Variants in TRRAP observed in about 807,000 individuals in gnomAD.
The protein encoded by TRRAP is transformation/transcription domain associated protein, also known as transformation/transcription domain-associated protein.
A neutral mutation model predicts 438.8 loss-of-function variants in TRRAP; 41 were observed. The ratio of observed to expected loss-of-function variants is 0.09; its 90% confidence interval spans 0.07 to 0.12. TRRAP has a LOEUF of 0.12. Among genes scored for constraint, TRRAP ranks in the 10% least tolerant of loss-of-function variants. TRRAP has a pLI of 1.00. For missense variants in TRRAP, 3,122 were observed against 5,055.1 expected (o/e 0.62, Z 11.60); for synonymous variants, 1,994 against 1,962.9 (o/e 1.02, Z -0.42).
intron 3 of TRRAP, among the ~76,000 whole-genome samples, chr7:98,884,431 C>T (rs944912813): frequency 2.0e-4 from 30 of 151,976 alleles, no homozygotes; most frequent in African/African-American, 6.8e-4. Context: ...GATGGGGTTT[C>T]GCCTTGTTGC....
At chr7:98,938,588 C>T (rs550522709) in intron 30 of TRRAP, among the ~76,000 whole-genome samples, 4 of 152,270 alleles carry the variant, frequency 2.6e-5, no homozygotes, top group Non-Finnish European at 4.4e-5. Context: ...TTGCTTTTCC[C>T]ATTTAACAGC....
chr7:98,910,258 C>T lies in TRRAP; in HGVS notation c.1553C>T (p.Pro518Leu). ...CCGCCCCCACCCCCACCTGCCACCC[C>T]TGTGACCCCGGCCCCCGTGCCTCCC... ...PPPPPPPPAT[P>L]VTPAPVPPFE... The change falls in exon 15 of 73, where the codon CCT becomes CTT. Residue 518 changes from proline (P) to leucine (L), a missense_variant. Transcript: ENST00000456197. The T allele has an allele frequency of 6.3e-7, 1 of 1,577,500 alleles. No individual in the cohort carries two copies. Among genetic ancestry groups the T allele is most frequent in the Non-Finnish European group, 8.6e-7 (1 of 1,168,760 alleles).
chr7:98,949,505 G>T lies in TRRAP; in HGVS notation c.4877G>T (p.Gly1626Val), dbSNP rs1443499874. Residue 1626 changes from glycine (G) to valine (V), a missense_variant, in exon 36 of 73, where the codon GGT (glycine) becomes GTT (valine). By Grantham distance (109) the Gly-to-Val change is moderately radical. Coordinates refer to ENST00000456197, the MANE Select transcript of TRRAP (RefSeq NM_001375524.1). ...TTCATCACCCTGCTGCTGCCGGGGGGTGCCCAGACGGCTGTGCGCCCCGGT... is the reference window on the plus strand; with the variant it reads ...TTCATCACCCTGCTGCTGCCGGGGGTTGCCCAGACGGCTGTGCGCCCCGGT... ...NRFITLLLPG[G>V]AQTAVRPGSP... 6.2e-7 allele frequency: 1 copy of T among 1,610,388 alleles called. No homozygotes were observed. Among genetic ancestry groups the T allele is most frequent in the Non-Finnish European group, 8.5e-7 (1 of 1,178,494 alleles).
chr7:98,964,708 C>T lies in TRRAP; in HGVS notation c.6909C>T (p.Ser2303=), dbSNP rs780438679. 1 of 1,613,948 alleles carries T rather than the reference C, an allele frequency of 6.2e-7. No individual in the cohort carries two copies. Among genetic ancestry groups the T allele is most frequent in the Non-Finnish European group, 8.5e-7 (1 of 1,179,970 alleles). Residue 2303 remains serine, a synonymous_variant, in exon 48 of 73, where the codon TCC becomes TCT. Coordinates refer to ENST00000456197, the MANE Select transcript of TRRAP (RefSeq NM_001375524.1). ...IDRLISVFMR[S]LQKMVREHLN... ...GGCTGATCTCCGTCTTTATGCGCTC[C>T]CTGCAGAAGATGGTCCGGGAGCATT...
chr7:98,966,553 C>T (rs903771909), intron 49 of TRRAP, among the ~76,000 whole-genome samples: 8 of 152,034 alleles, frequency 5.3e-5, no homozygotes, highest in African/African-American at 1.7e-4. Flanking sequence ...GGTATGGTGG[C>T]GCATGCCTGT....
At position 98,907,062 on chromosome 7, in the gene TRRAP, G is replaced by A. The variant is rs931855242; in HGVS notation, c.1115+807G>A. Among the ~76,000 whole-genome samples, 10 of 151,252 alleles carry A rather than the reference G, an allele frequency of 6.6e-5. No individual in the cohort carries two copies. In the East Asian group the frequency reaches 1.2e-3, roughly 18 times the overall value. ...GTTGTGGCCAGGCACGGTGGCTCAC[G>A]CCTGTAATCCCAGCACTTTGGGAGG... On this transcript the variant is annotated intron_variant, in intron 13 of 72. Transcript: ENST00000456197.
chr7:98,903,273 C>T lies in TRRAP; in HGVS notation c.898-106C>T, dbSNP rs906139528. Reference sequence around the variant, plus strand: ...CTGACCTCATGTGACCCACCCACCTCGGCCTCCCAAAGGTCTTACTGAATT... The same window carrying T: ...CTGACCTCATGTGACCCACCCACCTTGGCCTCCCAAAGGTCTTACTGAATT... On this transcript the variant is annotated intron_variant, in intron 11 of 72. Coordinates refer to ENST00000456197, the MANE Select transcript of TRRAP (RefSeq NM_001375524.1). 76 of 1,432,756 alleles carry T rather than the reference C, an allele frequency of 5.3e-5. No individual in the cohort carries two copies. The South Asian group carries it at 7.2e-4, about 14-fold the overall frequency. 88.8% of individuals were successfully genotyped at this position (1,432,756 alleles called of 1,614,324 possible).
Position 98,921,964 on chromosome 7 carries a change from T to A in TRRAP, c.2823+11T>A. On this transcript the variant is annotated intron_variant, in intron 21 of 72. Transcript: ENST00000456197. Reference sequence around the variant, plus strand: ...CTCCCCATGGAGAAGGTAAGCTCTGTGACAATGTCGTTTCGTTTTAAGCCT... The same window carrying A: ...CTCCCCATGGAGAAGGTAAGCTCTGAGACAATGTCGTTTCGTTTTAAGCCT... The A allele has an allele frequency of 1.9e-6, 3 of 1,614,226 alleles. No homozygotes were observed. Among genetic ancestry groups the A allele is most frequent in the Non-Finnish European group, 1.7e-6 (2 of 1,180,018 alleles).
At position 98,994,759 on chromosome 7, in the gene TRRAP, C is replaced by T. The variant is rs1793574786; in HGVS notation, c.10220C>T (p.Ser3407Phe). 6.2e-7 allele frequency: 1 copy of T among 1,614,070 alleles called. No individual in the cohort carries two copies. Among genetic ancestry groups the T allele is most frequent in the South Asian group, 1.1e-5 (1 of 91,090 alleles). The change falls in exon 67 of 73, where the codon TCC becomes TTC. Residue 3407 changes from serine to phenylalanine, a missense_variant. Coordinates refer to ENST00000456197, the MANE Select transcript of TRRAP (RefSeq NM_001375524.1). This position sits in a 1 kb window ranked among gnomAD's most constrained non-coding sequence, Gnocchi z 4.8. ...GTGTCCAACGTCTCGACCATGTTCT[C>T]CAGCGCAGCCTCTGAGTCTCTGGCC... ...ENVSNVSTMF[S>F]SAASESLARR... is the part of the protein sequence containing the mutation.
intron 43 of TRRAP, among the ~76,000 whole-genome samples, chr7:98,957,603 A>G (rs1004146253): frequency 3.3e-5 from 5 of 151,864 alleles, no homozygotes; most frequent in African/African-American, 4.8e-5. Flanking sequence ...TCTGCTCTCA[A>G]TGCACCCCTG....
chr7:98,943,099 A>C, intron 31 of TRRAP, 82 bp downstream of exon 31: 9 of 1,455,114 alleles, frequency 6.2e-6, no homozygotes, highest in Non-Finnish European at 8.6e-6. Context: ...CTTTCATTAA[A>C]ATGCCGGTCA....
rs535881753 is a variant in TRRAP at position 98,897,322 on chromosome 7, A to G, written c.508-419A>G. Among the ~76,000 whole-genome samples, 101 of 152,334 alleles carry G rather than the reference A, an allele frequency of 6.6e-4. 1 individual carries two copies. The highest frequency in any genetic ancestry group is 4.1e-4 in the Non-Finnish European group (28 of 68,034). On this transcript the variant is annotated intron_variant, in intron 7 of 72. Coordinates refer to ENST00000456197, the MANE Select transcript of TRRAP (RefSeq NM_001375524.1). ...GAAAAATTAATCAGTGGGGACTGCCAGCTCGTAGTTTCTTCCCAGAAGGGA... is the reference window on the plus strand; with the variant it reads ...GAAAAATTAATCAGTGGGGACTGCCGGCTCGTAGTTTCTTCCCAGAAGGGA...
chr7:98,899,713 A>G lies in TRRAP; in HGVS notation c.746A>G (p.Glu249Gly), dbSNP rs782039242. The change falls in exon 10 of 73, where the codon GAG becomes GGG. Residue 249 changes from glutamate to glycine, a missense_variant. Physicochemically the swap from Glu to Gly is moderately conservative, Grantham distance 98 (BLOSUM62 -2). Coordinates refer to ENST00000456197, the MANE Select transcript of TRRAP (RefSeq NM_001375524.1). ...CTGAACATCCACAATGTTGTTGCTG[A>G]GTTTGTGCCCTTGATCATGAACACC... ...YKLNIHNVVA[E>G]FVPLIMNTIA... is the part of the protein sequence containing the mutation. The G allele has an allele frequency of 1.2e-6, 2 of 1,614,152 alleles. No individual in the cohort carries two copies. Among genetic ancestry groups the G allele is most frequent in the Non-Finnish European group, 1.7e-6 (2 of 1,180,006 alleles).
intron 30 of TRRAP, among the ~76,000 whole-genome samples, chr7:98,940,674 C>CT (rs1790759430): frequency 6.6e-6 from 1 of 152,218 alleles, no homozygotes; most frequent in South Asian, 2.1e-4. Context: ...TTTCTGCTCT[C>CT]TGAGTGGTTC....
At chr7:98,898,813 T>A (rs1245966665) in intron 8 of TRRAP, among the ~76,000 whole-genome samples, 1 of 152,252 alleles carries the variant, frequency 6.6e-6, no homozygotes. Flanking sequence ...GCATTCATTT[T>A]AAAAATTTCT....
At chr7:98,973,282 A>C (rs1792499833) in intron 53 of TRRAP, among the ~76,000 whole-genome samples, 1 of 152,036 alleles carries the variant, frequency 6.6e-6, no homozygotes, top group Non-Finnish European at 1.5e-5. Flanking sequence ...CCATGTCCCT[A>C]CTGCCGCCAC....
At position 98,939,093 on chromosome 7, in the gene TRRAP, G is replaced by A. The variant is rs147169064; in HGVS notation, c.4404+1273G>A. On this transcript the variant is annotated intron_variant, in intron 30 of 72. Coordinates refer to ENST00000456197, the MANE Select transcript of TRRAP (RefSeq NM_001375524.1). ...GCATTCAATTTTGCTTCTGGTAAAT[G>A]GATTTATAAATAATAAACAGGATTT... Among the ~76,000 whole-genome samples the A allele has an allele frequency of 5.4e-3, 825 of 152,278 alleles. 3 individuals carry two copies. Among genetic ancestry groups the A allele is most frequent in the African/African-American group, 0.018 (730 of 41,562 alleles).
chr7:99,003,987 C>G (rs1794054208), intron 67 of TRRAP, among the ~76,000 whole-genome samples: 2 of 152,144 alleles, frequency 1.3e-5, no homozygotes, highest in Non-Finnish European at 2.9e-5. Context: ...GCAGGAGAAT[C>G]ACTGAAACCC....
In TRRAP at chr7:98,948,623, A is replaced by G; in HGVS notation, c.4726A>G (p.Thr1576Ala). The G allele has an allele frequency of 6.2e-7, 1 of 1,614,206 alleles. No homozygotes were observed. The highest frequency in any genetic ancestry group is 8.5e-7 in the Non-Finnish European group (1 of 1,180,038). The change falls in exon 35 of 73, where the codon ACA (threonine) becomes GCA (alanine). Residue 1576 changes from threonine (T) to alanine (A), a missense_variant. Around this residue, in one of 24 missense-constraint regions of TRRAP, gnomAD observed 108 missense variants for 256.9 expected, o/e 0.42. Transcript: ENST00000456197. The surrounding 1 kb of genome is among the most constrained non-coding windows in gnomAD (Gnocchi z 4.9). ...IKFLTRHPSQ[T>A]VELFMMEATL... is the part of the protein sequence containing the mutation. ...GTTCCTGACTCGACATCCCTCGCAGACAGTGGAGCTGTTCATGATGGAAGC... is the reference window on the plus strand; with the variant it reads ...GTTCCTGACTCGACATCCCTCGCAGGCAGTGGAGCTGTTCATGATGGAAGC...
Sources: gnomAD v4.1 joint callset for allele counts (sites outside exome capture counted in the v4.1 genomes callset) on GRCh38, gnomAD v4.1.1 for gene constraint, gnomAD v4.1.1 regional missense constraint, Gnocchi (gnomAD v3.1) non-coding constraint, MANE v1.5 for transcripts, NCBI Gene and HGNC (gene_info 2026-07-23, HGNC 2026-07-21) for gene names.